SLC9A9: variants seen among roughly 807,000 people sequenced by gnomAD.
The protein encoded by SLC9A9 is solute carrier family 9 member A9.
SLC9A9 carries 62 observed loss-of-function variants against 77.8 expected under a neutral mutation model. The ratio of observed to expected loss-of-function variants is 0.80; its 90% CI spans 0.65 to 0.98. The LOEUF (loss-of-function observed/expected upper bound fraction) is 0.98. SLC9A9 is among the 50% of genes least tolerant of loss of function. SLC9A9 has a pLI of 0.00. For missense variants in SLC9A9, 775 were observed against 774.9 expected (o/e 1.00, Z 0.00); for synonymous variants, 320 against 283.5 (o/e 1.13, Z -1.29).
intron 14 of SLC9A9, among the ~76,000 whole-genome samples, chr3:143,324,800 C>A (rs751075920): frequency 3.9e-5 from 6 of 152,032 alleles, no homozygotes; most frequent in African/African-American, 1.2e-4. Flanking sequence ...CCAGCCTGGG[C>A]GATAGAGGAA....
intron 11 of SLC9A9, among the ~76,000 whole-genome samples, chr3:143,485,074 T>C (rs551121445): frequency 6.6e-6 from 1 of 152,372 alleles, no homozygotes; most frequent in East Asian, 1.9e-4. Context: ...CTTAGCATAG[T>C]AGCAAGTCTT....
At chr3:143,533,590 TTGTTGTGTTACTGA>T (rs1296391339) in intron 9 of SLC9A9, among the ~76,000 whole-genome samples, 2 of 152,264 alleles carry the variant, frequency 1.3e-5, no homozygotes, top group Non-Finnish European at 2.9e-5. Flanking sequence ...AAGCTGACCT[TTGTTGTGTTACTGA>T]TGCATAACCA....
At chr3:143,306,636 C>T (rs2030797384) in intron 14 of SLC9A9, among the ~76,000 whole-genome samples, 1 of 152,128 alleles carries the variant, frequency 6.6e-6, no homozygotes. Flanking sequence ...TAAACAAATA[C>T]ATAAAACCTG....
intron 4 of SLC9A9, among the ~76,000 whole-genome samples, chr3:143,741,141 G>T (rs1478767849): frequency 6.6e-6 from 1 of 152,138 alleles, no homozygotes; most frequent in Non-Finnish European, 1.5e-5. Context: ...CAAGATCCTG[G>T]TTTCTAATCT....
chr3:143,419,362 T>C (rs2108526181), intron 12 of SLC9A9, among the ~76,000 whole-genome samples: 1 of 152,314 alleles, frequency 6.6e-6, no homozygotes. Flanking sequence ...AGAGCTAGAA[T>C]TCAACCCAGG....
At chr3:143,604,134 T>A (rs913293922) in intron 6 of SLC9A9, among the ~76,000 whole-genome samples, 2 of 152,218 alleles carry the variant, frequency 1.3e-5, no homozygotes, top group African/African-American at 4.8e-5. Flanking sequence ...AGTTCTAAAT[T>A]AAGGTCTATT....
At chr3:143,609,329 G>C (rs2037980488) in intron 6 of SLC9A9, among the ~76,000 whole-genome samples, 1 of 152,140 alleles carries the variant, frequency 6.6e-6, no homozygotes. Context: ...ACAAAGATAT[G>C]GAATAACGAC....
At chr3:143,572,940 C>T (rs889829233) in intron 8 of SLC9A9, among the ~76,000 whole-genome samples, 2 of 152,128 alleles carry the variant, frequency 1.3e-5, no homozygotes, top group African/African-American at 4.8e-5. Context: ...CTTAGAGGTC[C>T]GCTTGATGTT....
intron 5 of SLC9A9, among the ~76,000 whole-genome samples, chr3:143,683,567 T>A (rs184397644): frequency 6.6e-6 from 1 of 152,232 alleles, no homozygotes; most frequent in Admixed American, 6.5e-5. Flanking sequence ...TCAGTGTGGA[T>A]TGGTTATTAG....
In SLC9A9 at chr3:143,502,160, C is replaced by T. The variant is rs1015968396; in HGVS notation, c.1090-6712G>A. 4.0e-5 allele frequency among the ~76,000 whole-genome samples: 6 copies of T among 150,924 alleles called. No homozygotes were observed. In the South Asian group the frequency reaches 6.2e-4, roughly 16 times the overall value. ...AACTTGACTCAACTTTTTATTTATC[C>T]GGTACAGTAAACATTTATTTTGTTT... On this transcript the variant is annotated intron_variant, in intron 9 of 15. Coordinates refer to ENST00000316549, the MANE Select transcript of SLC9A9 (RefSeq NM_173653.4).
At chr3:143,616,996 G>A (rs562243908) in intron 6 of SLC9A9, among the ~76,000 whole-genome samples, 2 of 152,234 alleles carry the variant, frequency 1.3e-5, no homozygotes, top group South Asian at 2.1e-4. Flanking sequence ...AGAATGCTCA[G>A]GATGAAATGG....
chr3:143,677,000 G>A (rs1222061116), intron 5 of SLC9A9, among the ~76,000 whole-genome samples: 1 of 152,166 alleles, frequency 6.6e-6, no homozygotes, highest in Non-Finnish European at 1.5e-5. Context: ...TGACACACAT[G>A]GAGTTTGGGG....
At chr3:143,654,424 G>A (rs2038852867) in intron 5 of SLC9A9, among the ~76,000 whole-genome samples, 1 of 152,154 alleles carries the variant, frequency 6.6e-6, no homozygotes, top group Admixed American at 6.5e-5. Flanking sequence ...AGGTAAAATG[G>A]CAGAGATCTG....
intron 13 of SLC9A9, among the ~76,000 whole-genome samples, chr3:143,368,638 C>G (rs1395793534): frequency 6.6e-6 from 1 of 152,158 alleles, no homozygotes; most frequent in East Asian, 1.9e-4. Context: ...CATAATAAAT[C>G]TGCAGAGCTC....
At position 143,615,870 on chromosome 3, in the gene SLC9A9, A is replaced by G. The variant is rs549732371; in HGVS notation, c.755+36385T>C. Among the ~76,000 whole-genome samples, 12 of 150,410 alleles carry G rather than the reference A, an allele frequency of 8.0e-5. No individual in the cohort carries two copies. In the South Asian group the frequency reaches 2.1e-3, roughly 27 times the overall value. Reference sequence around the variant, plus strand: ...AAAATTGAGTCTTCATCTGAAATTTATAACTTTAAATTTCTTTTTTTTTTT... The same window carrying G: ...AAAATTGAGTCTTCATCTGAAATTTGTAACTTTAAATTTCTTTTTTTTTTT... On this transcript the variant is annotated intron_variant, in intron 6 of 15. Coordinates refer to ENST00000316549, the MANE Select transcript of SLC9A9 (RefSeq NM_173653.4).
chr3:143,718,066 C>A, intron 4 of SLC9A9, among the ~76,000 whole-genome samples: 1 of 147,740 alleles, frequency 6.8e-6, no homozygotes. Flanking sequence ...AAGTTAAAAT[C>A]AAATAGGTAA....
intron 11 of SLC9A9, among the ~76,000 whole-genome samples, chr3:143,480,721 C>T (rs1322740457): frequency 1.3e-5 from 2 of 152,180 alleles, no homozygotes; most frequent in Non-Finnish European, 2.9e-5. Context: ...GCCCGGTTAG[C>T]TGTTAGTGGC....
chr3:143,825,576 C>T (rs1823221), intron 2 of SLC9A9, among the ~76,000 whole-genome samples: 31,561 of 152,132 alleles, frequency 0.21, 3,681 homozygotes, highest in South Asian at 0.36. Context: ...ACAATTGAAA[C>T]GAGCTCTGAT....
At chr3:143,313,860 C>A (rs1287562908) in intron 14 of SLC9A9, among the ~76,000 whole-genome samples, 1 of 152,180 alleles carries the variant, frequency 6.6e-6, no homozygotes, top group Non-Finnish European at 1.5e-5. Flanking sequence ...AGCAGGGAGG[C>A]TGACGGGGAG....
Sources: gnomAD v4.1 joint callset for allele counts (sites outside exome capture counted in the v4.1 genomes callset) on GRCh38, gnomAD v4.1.1 for gene constraint, MANE v1.5 for transcripts, NCBI Gene and HGNC (gene_info 2026-07-23, HGNC 2026-07-21) for gene names.